NCK2: variants seen among roughly 807,000 people sequenced by gnomAD.
The protein encoded by NCK2 is NCK adaptor protein 2, also known as cytoplasmic protein NCK2.
NCK2 carries 16 observed loss-of-function variants against 33.9 expected under a neutral mutation model. The observed-to-expected ratio is 0.47, with a 90% CI of 0.32 to 0.72. The LOEUF is 0.72. Ranked by LOEUF, NCK2 falls within the 30% of genes least tolerant of loss-of-function variation. The probability of loss-of-function intolerance (pLI) is 0.03; values close to 1 mark genes in which losing one functional copy is unlikely to be tolerated. For missense variants in NCK2, 418 were observed against 537.3 expected (o/e 0.78, Z 2.19); for synonymous variants, 273 against 239.9 (o/e 1.14, Z -1.27).
chr2:105,789,251 G>A (rs895376262), intron 1 of NCK2, among the ~76,000 whole-genome samples: 1 of 152,102 alleles, frequency 6.6e-6, no homozygotes, highest in Admixed American at 6.5e-5. Context: ...GTAGTGGCGC[G>A]ATCTTGGCTT....
intron 4 of NCK2, among the ~76,000 whole-genome samples, chr2:105,883,812 C>T (rs1234506051): frequency 2.0e-5 from 3 of 152,208 alleles, no homozygotes; most frequent in Non-Finnish European, 4.4e-5. Flanking sequence ...TTCCTTTTAA[C>T]AGTTTTTTAA....
At chr2:105,859,989 A>G (rs933572317) in intron 3 of NCK2, among the ~76,000 whole-genome samples, 11 of 152,198 alleles carry the variant, frequency 7.2e-5, no homozygotes, top group African/African-American at 2.2e-4. Flanking sequence ...ATGTCAGTTC[A>G]AAACAACAAT....
intron 2 of NCK2, among the ~76,000 whole-genome samples, chr2:105,845,799 AT>A (rs1438170524): frequency 1.3e-5 from 2 of 152,146 alleles, no homozygotes; most frequent in Non-Finnish European, 2.9e-5. Context: ...GGTGACTGTT[AT>A]CCGTCTACTT....
At chr2:105,878,781 A>G (rs1325108507) in intron 3 of NCK2, among the ~76,000 whole-genome samples, 3 of 152,180 alleles carry the variant, frequency 2.0e-5, no homozygotes, top group Non-Finnish European at 4.4e-5. Flanking sequence ...TGCGCCAAAG[A>G]CTATTTAGAT....
At chr2:105,788,984 G>A (rs1690777891) in intron 1 of NCK2, among the ~76,000 whole-genome samples, 1 of 152,062 alleles carries the variant, frequency 6.6e-6, no homozygotes, top group South Asian at 2.1e-4. Flanking sequence ...TTTAAAACAT[G>A]GTATGACTGT....
intron 3 of NCK2, among the ~76,000 whole-genome samples, chr2:105,867,074 T>C (rs1677794942): frequency 6.6e-6 from 1 of 152,234 alleles, no homozygotes; most frequent in African/African-American, 2.4e-5. Flanking sequence ...ACTTTTTCCT[T>C]TCAAATCAGT....
intron 3 of NCK2, among the ~76,000 whole-genome samples, chr2:105,877,422 C>A (rs965665171): frequency 6.6e-6 from 1 of 152,188 alleles, no homozygotes; most frequent in African/African-American, 2.4e-5. Context: ...AACCCAGCAA[C>A]TTGGTCCCAT....
intron 1 of NCK2, among the ~76,000 whole-genome samples, chr2:105,782,482 C>T (rs1690532716): frequency 6.6e-6 from 1 of 152,218 alleles, no homozygotes; most frequent in Non-Finnish European, 1.5e-5. Context: ...ATTAAAGTTA[C>T]TTTAAATTCT....
At chr2:105,874,157 T>G (rs2104639186) in intron 3 of NCK2, among the ~76,000 whole-genome samples, 1 of 152,370 alleles carries the variant, frequency 6.6e-6, no homozygotes, top group Admixed American at 6.5e-5. Context: ...ATTTGAGTTT[T>G]TTCCCTTTAC....
intron 1 of NCK2, among the ~76,000 whole-genome samples, chr2:105,794,217 T>G (rs1467514923): frequency 6.6e-6 from 1 of 151,916 alleles, no homozygotes; most frequent in African/African-American, 2.4e-5. Context: ...CTGGCTAATT[T>G]TTGTGTTTTT....
At chr2:105,790,783 G>A (rs1251830733) in intron 1 of NCK2, among the ~76,000 whole-genome samples, 3 of 152,302 alleles carry the variant, frequency 2.0e-5, no homozygotes, top group East Asian at 3.9e-4. Context: ...TGGGTCTCTC[G>A]CTGCCAGCTG....
chr2:105,887,562 T>C (rs538968653), intron 4 of NCK2, among the ~76,000 whole-genome samples: 5 of 152,320 alleles, frequency 3.3e-5, no homozygotes, highest in African/African-American at 1.2e-4. Flanking sequence ...GGAGAAGTTT[T>C]AAGGTTTAAA....
chr2:105,858,454 G>A (rs887538134), intron 3 of NCK2, among the ~76,000 whole-genome samples: 2 of 152,088 alleles, frequency 1.3e-5, no homozygotes, highest in African/African-American at 4.8e-5. Flanking sequence ...TTGCCATGTT[G>A]CCTGGGCTGA....
In NCK2 at chr2:105,756,966, C is replaced by T. The variant is rs1231914918; in HGVS notation, c.-201+11828C>T. Among the ~76,000 whole-genome samples, 8 of 152,142 alleles carry T rather than the reference C, an allele frequency of 5.3e-5. 1 individual carries two copies. The South Asian group carries it at 1.2e-3, about 24-fold the overall frequency. On this transcript the variant is annotated intron_variant, in intron 1 of 4. Coordinates refer to ENST00000233154, the MANE Select transcript of NCK2 (RefSeq NM_003581.5). The stretch of plus-strand genomic sequence containing the variant: ...GATTACAGGCATACACCACCATGCC[C>T]GGCTGATTTTGTATTTTTAGTAGAG...
rs376202499 is a variant in NCK2, at chr2:105,867,048, C to T, written c.226+11759C>T. Among the ~76,000 whole-genome samples the T allele has an allele frequency of 5.9e-5, 9 of 152,248 alleles. No individual in the cohort carries two copies. The East Asian group carries it at 1.2e-3, about 20-fold the overall frequency. On this transcript the variant is annotated intron_variant, in intron 3 of 4. Coordinates refer to ENST00000233154, the MANE Select transcript of NCK2 (RefSeq NM_003581.5). ...TTCAGACATGCTTTCTAAACTAAGC[C>T]GCTCTCCAAGGAACCACTTTTTCCT...
chr2:105,841,192 A>G (rs2163349), intron 2 of NCK2, among the ~76,000 whole-genome samples: 45,183 of 152,138 alleles, frequency 0.3, 8,372 homozygotes, highest in African/African-American at 0.51. Flanking sequence ...AAAGTCTCAC[A>G]GGCATGTAAC....
chr2:105,838,022 C>G (rs1035278728), intron 2 of NCK2, among the ~76,000 whole-genome samples: 1 of 151,982 alleles, frequency 6.6e-6, no homozygotes, highest in Admixed American at 6.6e-5. Context: ...ATATTTAATC[C>G]TATTTTGATC....
intron 3 of NCK2, among the ~76,000 whole-genome samples, chr2:105,875,169 A>G (rs569934771): frequency 2.6e-5 from 4 of 152,292 alleles, no homozygotes; most frequent in South Asian, 2.1e-4. Context: ...GGGCAGCTCT[A>G]TGCTCAGGAG....
intron 1 of NCK2, among the ~76,000 whole-genome samples, chr2:105,755,990 A>G (rs1171803800): frequency 6.6e-6 from 1 of 152,254 alleles, no homozygotes; most frequent in Non-Finnish European, 1.5e-5. Flanking sequence ...GGAAAAGGAA[A>G]GGGGAAATTC....
Sources: gnomAD v4.1 joint callset for allele counts (sites outside exome capture counted in the v4.1 genomes callset) on GRCh38, gnomAD v4.1.1 for gene constraint, MANE v1.5 for transcripts, NCBI Gene and HGNC (gene_info 2026-07-23, HGNC 2026-07-21) for gene names.